The following GOLGA1 variants were observed in gnomAD, a reference collection of about 807,000 sequenced individuals.
GOLGA1 encodes the protein golgin subfamily A member 1.
A neutral mutation model predicts 119.7 loss-of-function variants in GOLGA1; 63 were observed. That is an observed-to-expected ratio of 0.53 (90% CI 0.43 to 0.65). The LOEUF (loss-of-function observed/expected upper bound fraction) is 0.65, where lower values mean the gene tolerates loss of function less well. Ranked by LOEUF, GOLGA1 falls within the 30% of genes least tolerant of loss-of-function variation. GOLGA1 has a pLI of 0.00. For synonymous variants in GOLGA1, 318 were observed against 333.4 expected (o/e 0.95, Z 0.50); for missense variants, 798 against 912.8 (o/e 0.87, Z 1.62).
intron 10 of GOLGA1, among the ~76,000 whole-genome samples, chr9:124,918,987 C>T (rs1830508209): frequency 6.6e-6 from 1 of 151,298 alleles, no homozygotes; most frequent in Admixed American, 6.6e-5. Context: ...GGTGGTTCAC[C>T]TCTGTAATCC....
At chr9:124,906,776 C>T (rs1273106464) in intron 12 of GOLGA1, among the ~76,000 whole-genome samples, 1 of 152,026 alleles carries the variant, frequency 6.6e-6, no homozygotes, top group African/African-American at 2.4e-5. Flanking sequence ...GATACCATCA[C>T]AGTATCAACA....
chr9:124,933,195 C>T (rs1830804544), intron 3 of GOLGA1, among the ~76,000 whole-genome samples: 2 of 152,172 alleles, frequency 1.3e-5, no homozygotes, highest in Non-Finnish European at 2.9e-5. Context: ...AGACGCCATG[C>T]TAAGTGCTTT....
intron 20 of GOLGA1, 51 bp downstream of exon 20, chr9:124,882,459 G>A: frequency 7.3e-7 from 1 of 1,364,670 alleles, no homozygotes; most frequent in Non-Finnish European, 1.0e-6. Flanking sequence ...CCGGGCACAG[G>A]CAGCAGGGGG....
At position 124,888,163 on chromosome 9, in the gene GOLGA1, C is replaced by G. The variant is rs545626969; in HGVS notation, c.1905+90G>C. ...TTGCCAGGAGGTGCGGGGGAAACCACAAAAACCTCCAAGGATGGACTGGGT... is the reference window on the plus strand; with the variant it reads ...TTGCCAGGAGGTGCGGGGGAAACCAGAAAAACCTCCAAGGATGGACTGGGT... On this transcript the variant is annotated intron_variant, in intron 19 of 22. Coordinates refer to ENST00000373555, the MANE Select transcript of GOLGA1 (RefSeq NM_002077.4). The surrounding 1 kb of genome is among the most constrained non-coding windows in gnomAD (Gnocchi z 4.4). 3.0e-4 allele frequency: 398 copies of G among 1,317,338 alleles called. 6 individuals carry two copies. In the South Asian group the frequency reaches 4.7e-3, roughly 15 times the overall value. The allele number at this position is 1,317,338 out of a possible 1,614,324, so 81.6% of individuals were successfully genotyped here.
chr9:124,881,769 T>C lies in GOLGA1; in HGVS notation c.2136+15A>G. On this transcript the variant is annotated intron_variant, in intron 21 of 22. Coordinates refer to ENST00000373555, the MANE Select transcript of GOLGA1 (RefSeq NM_002077.4). This position sits in a 1 kb window ranked among gnomAD's most constrained non-coding sequence, Gnocchi z 4.9. The stretch of plus-strand genomic sequence containing the variant: ...GGGGCCTCAATACCCAAAAGACACC[T>C]CAAAAGCCCTTTACCTCGGATTCGC... The C allele has an allele frequency of 1.3e-6, 2 of 1,593,850 alleles. No individual in the cohort carries two copies. The highest frequency in any genetic ancestry group is 1.7e-4 in the Middle Eastern group (1 of 5,956).
chr9:124,885,819 A>G (rs1170850782), intron 19 of GOLGA1, among the ~76,000 whole-genome samples: 1 of 152,152 alleles, frequency 6.6e-6, no homozygotes, highest in Non-Finnish European at 1.5e-5. Flanking sequence ...TCAGGCTTTC[A>G]TAAGAGATCA....
intron 9 of GOLGA1, 90 bp downstream of exon 9, chr9:124,921,633 G>A: frequency 5.1e-6 from 5 of 989,680 alleles, no homozygotes; most frequent in South Asian, 1.5e-5. Flanking sequence ...ATCAGAAAGT[G>A]GTGTAATGAA....
At chr9:124,938,177 C>T (rs777653507) in intron 3 of GOLGA1, among the ~76,000 whole-genome samples, 2 of 152,052 alleles carry the variant, frequency 1.3e-5, no homozygotes, top group Non-Finnish European at 2.9e-5. Context: ...CAACAATGCA[C>T]TCTTGCTAAC....
chr9:124,881,891 T>C lies in GOLGA1; in HGVS notation c.2029A>G (p.Met677Val), dbSNP rs1338536081. The C allele has an allele frequency of 4.3e-6, 7 of 1,612,682 alleles. No homozygotes were observed. Among genetic ancestry groups the C allele is most frequent in the Admixed American group, 1.7e-5 (1 of 59,882 alleles). ...REKPGPEMANMAPSVTNNTDL... is the reference protein window; with the variant it reads ...REKPGPEMANVAPSVTNNTDL... ...GTGTTATTCGTGACGGAAGGCGCCA[T>C]GTTTGCCATCTCAGGTCCAGGTTTC... is the stretch of plus-strand genomic sequence containing the variant. Residue 677 changes from methionine (M) to valine (V), a missense_variant, in exon 21 of 23, where the codon ATG becomes GTG. By Grantham distance (21) the Met-to-Val change is conservative. Coordinates refer to ENST00000373555, the MANE Select transcript of GOLGA1 (RefSeq NM_002077.4). The surrounding 1 kb of genome is among the most constrained non-coding windows in gnomAD (Gnocchi z 4.9).
At chr9:124,929,379 A>G (rs1830733116) in intron 4 of GOLGA1, 89 bp from the exon 5 acceptor site, 1 of 834,176 alleles carries the variant, frequency 1.2e-6, no homozygotes, top group Admixed American at 1.9e-5. Context: ...GGAAATGATG[A>G]TGATTTTCTT....
intron 9 of GOLGA1, 94 bp downstream of exon 9, chr9:124,921,629 A>C (rs1251796308): frequency 1.0e-6 from 1 of 974,840 alleles, no homozygotes; most frequent in African/African-American, 1.6e-5. Context: ...CGGAATCAGA[A>C]AGTGGTGTAA....
In GOLGA1 at chr9:124,898,638, G is replaced by A. The variant is rs1214444997; in HGVS notation, c.1318C>T (p.Leu440=). The change falls in exon 15 of 23, where the codon CTG becomes TTG. Residue 440 remains leucine, a synonymous_variant. Coordinates refer to ENST00000373555, the MANE Select transcript of GOLGA1 (RefSeq NM_002077.4). ...TTAAGGGCTGCATTTTCTTGCTCCA[G>A]TTGTCTCTGCCAATTCAGAAGAACA... ...QTTAEQGMRQ[L]EQENAALKEC... 1 of 1,599,616 alleles carries A rather than the reference G, an allele frequency of 6.3e-7. No individual in the cohort carries two copies. The highest frequency in any genetic ancestry group is 8.6e-7 in the Non-Finnish European group (1 of 1,167,386).
Position 124,881,098 on chromosome 9 carries a change from G to C in GOLGA1, c.2223+73C>G, listed in dbSNP as rs1198154450. ...CTACACTCGGGTGTGGGTCTAAGGG[G>C]TCTTACACTGCTACTGCTGGGATAA... is the stretch of plus-strand genomic sequence containing the variant. On this transcript the variant is annotated intron_variant, in intron 22 of 22. Transcript: ENST00000373555. The surrounding 1 kb of genome is among the most constrained non-coding windows in gnomAD (Gnocchi z 4.9). The C allele has an allele frequency of 1.2e-6, 1 of 844,952 alleles. No homozygotes were observed. Among genetic ancestry groups the C allele is most frequent in the Non-Finnish European group, 2.1e-6 (1 of 477,828 alleles). 52.3% of individuals were successfully genotyped at this position (844,952 alleles called of 1,614,324 possible). A position where few individuals can be genotyped will look rare whatever the true frequency, so the allele number is the denominator to read the frequency against.
At chr9:124,891,835 G>A (rs1203634741) in intron 15 of GOLGA1, among the ~76,000 whole-genome samples, 2 of 151,858 alleles carry the variant, frequency 1.3e-5, no homozygotes, top group South Asian at 2.1e-4. Flanking sequence ...AGTAGAGACC[G>A]GGTTTCGCCA....
chr9:124,881,364 G>A lies in GOLGA1; in HGVS notation c.2137-107C>T, dbSNP rs897327630. ...TGCTTGCTTTGGTTAGCAGGACCAG[G>A]TGGTGGGTGACGCTCTGGCACTCTG... On this transcript the variant is annotated intron_variant, in intron 21 of 22. Coordinates refer to ENST00000373555, the MANE Select transcript of GOLGA1 (RefSeq NM_002077.4). This position sits in a 1 kb window ranked among gnomAD's most constrained non-coding sequence, Gnocchi z 4.9. The A allele has an allele frequency of 1.5e-5, 11 of 753,442 alleles. No individual in the cohort carries two copies. The highest frequency in any genetic ancestry group is 2.7e-5 in the Non-Finnish European group (11 of 407,510). 46.7% of individuals were successfully genotyped at this position (753,442 alleles called of 1,614,324 possible).
At chr9:124,902,423 T>C (rs1830128786) in intron 12 of GOLGA1, among the ~76,000 whole-genome samples, 1 of 151,216 alleles carries the variant, frequency 6.6e-6, no homozygotes, top group Admixed American at 6.6e-5. Flanking sequence ...GGGAGCTTTA[T>C]TATTAAACAT....
In GOLGA1 at chr9:124,903,956, G is replaced by A. The variant is rs904751381; in HGVS notation, c.1066-3409C>T. Among the ~76,000 whole-genome samples the A allele has an allele frequency of 2.6e-5, 4 of 151,916 alleles. No homozygotes were observed. The South Asian group carries it at 8.3e-4, about 32-fold the overall frequency. ...CGCGCGCCTGTAGTCCCAGCTACTC[G>A]GGAGGCTGAGGTAGGGGAATTGCTT... is the stretch of plus-strand genomic sequence containing the variant. On this transcript the variant is annotated intron_variant, in intron 12 of 22. Coordinates refer to ENST00000373555, the MANE Select transcript of GOLGA1 (RefSeq NM_002077.4).
chr9:124,900,202 G>A (rs1338723072), intron 13 of GOLGA1: 10 of 345,148 alleles, frequency 2.9e-5, no homozygotes, highest in Non-Finnish European at 4.8e-5. Flanking sequence ...CCAGGACCAG[G>A]CTGGACCAGA....
intron 13 of GOLGA1, chr9:124,900,218 G>A: frequency 2.7e-6 from 1 of 369,658 alleles, no homozygotes; most frequent in Non-Finnish European, 4.9e-6. Context: ...CCAGAAGGTG[G>A]GATGTAAGGT....
Sources: allele counts gnomAD v4.1 joint callset (sites outside exome capture counted in the v4.1 genomes callset), GRCh38; gene constraint gnomAD v4.1.1; non-coding constraint Gnocchi (gnomAD v3.1); transcripts MANE v1.5; gene names NCBI Gene and HGNC (gene_info 2026-07-23, HGNC 2026-07-21).